HSP90AA1: variants seen among roughly 807,000 people sequenced by gnomAD.
HSP90AA1 encodes the protein heat shock protein 90 alpha family class A member 1, also known as heat shock protein HSP 90-alpha.
Under a neutral mutation model 73.3 loss-of-function variants are expected in HSP90AA1, and 18 were observed. That is an observed-to-expected ratio of 0.25 (90% CI 0.17 to 0.36). HSP90AA1 has a LOEUF of 0.36. HSP90AA1 is among the 10% of genes least tolerant of loss of function. The pLI is 1.00. For missense variants in HSP90AA1, 704 were observed against 874.2 expected (o/e 0.81, Z 2.45); for synonymous variants, 477 against 296.9 (o/e 1.61, Z -6.24).
chr14:102,139,211 T>C (rs1229843020), intron 1 of HSP90AA1: 3 of 1,612,768 alleles, frequency 1.9e-6, no homozygotes, highest in Non-Finnish European at 2.5e-6. Context: ...CCGCCTGAAA[T>C]AAAACATAGT....
chr14:102,134,362 G>A (rs956102620), intron 1 of HSP90AA1, among the ~76,000 whole-genome samples: 11 of 148,390 alleles, frequency 7.4e-5, no homozygotes, highest in East Asian at 6.0e-4. Context: ...CAGTAGAAAC[G>A]TTAGACTGGA....
intron 1 of HSP90AA1, among the ~76,000 whole-genome samples, chr14:102,134,412 G>A (rs550541729): frequency 6.6e-6 from 1 of 151,980 alleles, no homozygotes; most frequent in Admixed American, 6.6e-5. Context: ...AGGCTGAGAA[G>A]TGCTGGTGTA....
chr14:102,116,120 T>G (rs2049703491), intron 1 of HSP90AA1, among the ~76,000 whole-genome samples: 1 of 151,870 alleles, frequency 6.6e-6, no homozygotes, highest in Non-Finnish European at 1.5e-5. Flanking sequence ...CCCAACTAAT[T>G]TTTTTTGTAT....
rs761906643 is a variant in HSP90AA1, at chr14:102,086,364, G to A, written c.15C>T (p.Thr5=). 11 of 1,614,046 alleles carry A rather than the reference G, an allele frequency of 6.8e-6. No homozygotes were observed. The African/African-American group carries it at 1.1e-4, about 16-fold the overall frequency. Residue 5 remains threonine, a synonymous_variant, in exon 2 of 11, where the codon ACC becomes ACT. Coordinates refer to ENST00000216281, the MANE Select transcript of HSP90AA1 (RefSeq NM_005348.4). The stretch of plus-strand genomic sequence containing the variant: ...CCTCCATCGGTTGGTCTTGGGTCTG[G>A]GTTTCCTCAGGCATCTGGAACGACA... MPEE[T]QTQDQPMEEE...
At position 102,085,629 on chromosome 14, in the gene HSP90AA1, G is replaced by C. The variant is rs567370543; in HGVS notation, c.529+129C>G. On this transcript the variant is annotated intron_variant, in intron 3 of 10. Coordinates refer to ENST00000216281, the MANE Select transcript of HSP90AA1 (RefSeq NM_005348.4). ...AGTCATGCCATTACACTAATTAAGT[G>C]CTCTAGCTTGTTCCTGATCGTTGGG... 4 of 1,413,452 alleles carry C rather than the reference G, an allele frequency of 2.8e-6. No individual in the cohort carries two copies. The South Asian group carries it at 3.5e-5, about 12-fold the overall frequency. The allele number at this position is 1,413,452 out of a possible 1,614,324, so 87.6% of individuals were successfully genotyped here.
Position 102,081,526 on chromosome 14 carries a change from C to T in HSP90AA1, c.*186G>A, listed in dbSNP as rs538361947. ...CATGAAACTCAAAAAGCATTACTAG[C>T]TCTGCTTTAGTGCCTAAGGTATCAC... On this transcript the variant is annotated 3_prime_UTR_variant, in exon 11 of 11. Coordinates refer to ENST00000216281, the MANE Select transcript of HSP90AA1 (RefSeq NM_005348.4). 214 of 611,516 alleles carry T rather than the reference C, an allele frequency of 3.5e-4. 3 individuals are homozygous for T. The South Asian group carries it at 4.1e-3, about 12-fold the overall frequency. 37.9% of individuals were successfully genotyped at this position (611,516 alleles called of 1,614,324 possible).
chr14:102,096,090 ACCAAGGCACCTCCAGC>A (rs375167683), intron 2 of HSP90AA1, among the ~76,000 whole-genome samples: 208 of 152,064 alleles, frequency 1.4e-3, no homozygotes, highest in African/African-American at 4.8e-3. Context: ...CCCACATGTC[ACCAAGGCACCTCCAGC>A]CCTGCCCACA....
At chr14:102,108,617 C>A (rs1343453965) in intron 1 of HSP90AA1, among the ~76,000 whole-genome samples, 1 of 149,702 alleles carries the variant, frequency 6.7e-6, no homozygotes, top group Non-Finnish European at 1.5e-5. Context: ...CTTACTGCAG[C>A]CTCAACCTCC....
In HSP90AA1 at chr14:102,133,483, T is replaced by C. The variant is rs189380917; in HGVS notation, c.155+5767A>G. On this transcript the variant is annotated intron_variant, in intron 1 of 11. Transcript: ENST00000334701. ...TTGGTGAGAATGGGATTTAAACTAG[T>C]TCTTTTTTTTTTTTTTTGAGATGGA... Among the ~76,000 whole-genome samples the C allele has an allele frequency of 1.7e-3, 107 of 62,478 alleles. No homozygotes were observed. In the East Asian group the frequency reaches 0.069, roughly 40 times the overall value. The allele number at this position is 62,478 out of a possible 152,430, so 41.0% of individuals were successfully genotyped here. A position where few individuals can be genotyped will look rare whatever the true frequency, so the allele number is the denominator to read the frequency against.
intron 1 of HSP90AA1, among the ~76,000 whole-genome samples, chr14:102,102,699 C>G (rs1566728419): frequency 6.6e-6 from 1 of 152,172 alleles, no homozygotes; most frequent in Non-Finnish European, 1.5e-5. Context: ...TATGATTATT[C>G]TAGAGACTAA....
intron 1 of HSP90AA1, among the ~76,000 whole-genome samples, chr14:102,135,746 T>C (rs546976229): frequency 3.2e-4 from 49 of 152,220 alleles, no homozygotes; most frequent in Non-Finnish European, 6.5e-4. Flanking sequence ...CCGCAGCCAC[T>C]GGCCCGGGTG....
chr14:102,124,129 T>C (rs773846444), intron 1 of HSP90AA1, among the ~76,000 whole-genome samples: 70 of 152,142 alleles, frequency 4.6e-4, no homozygotes, highest in Non-Finnish European at 8.8e-4. Flanking sequence ...TCTTCCATTA[T>C]ACTTAAATTA....
At chr14:102,122,600 T>C (rs192426459) in intron 1 of HSP90AA1, among the ~76,000 whole-genome samples, 2 of 151,006 alleles carry the variant, frequency 1.3e-5, no homozygotes, top group African/African-American at 4.9e-5. Flanking sequence ...TTATAATACA[T>C]ATTAATATTT....
rs2049114395 is a variant in HSP90AA1, at chr14:102,082,163, T to C, written c.2037A>G (p.Glu679=). 1.2e-6 allele frequency: 2 copies of C among 1,613,718 alleles called. No individual in the cohort carries two copies. The highest frequency in any genetic ancestry group is 1.7e-5 in the Admixed American group (1 of 60,000). Residue 679 remains glutamate (E), a synonymous_variant, in exon 10 of 11, where the codon GAA becomes GAG. Transcript: ENST00000216281. ...TCCTGTTAGCATGTGTCTGGGGATCTTCCAGACTGAAGCCAGAAGACAGGA... is the reference window on the plus strand; with the variant it reads ...TCCTGTTAGCATGTGTCTGGGGATCCTCCAGACTGAAGCCAGAAGACAGGA... ...TALLSSGFSL[E]DPQTHANRIY...
intron 2 of HSP90AA1, among the ~76,000 whole-genome samples, chr14:102,099,544 C>T (rs1047522645): frequency 2.6e-5 from 4 of 151,654 alleles, no homozygotes; most frequent in Non-Finnish European, 2.9e-5. Flanking sequence ...GCAACAAGAG[C>T]GGAACTCCGT....
At chr14:102,136,796 G>A (rs1002022437) in intron 1 of HSP90AA1, among the ~76,000 whole-genome samples, 1 of 151,040 alleles carries the variant, frequency 6.6e-6, no homozygotes, top group African/African-American at 2.4e-5. Flanking sequence ...GCAGAGGCAG[G>A]AGAATCGTTT....
chr14:102,085,624 T>A, intron 3 of HSP90AA1, 134 bp downstream of exon 3: 1 of 1,391,330 alleles, frequency 7.2e-7, no homozygotes, highest in South Asian at 1.2e-5. Context: ...TTACACTAAT[T>A]AAGTGCTCTA....
chr14:102,093,066 A>G (rs896296448), intron 2 of HSP90AA1, among the ~76,000 whole-genome samples: 3 of 152,058 alleles, frequency 2.0e-5, no homozygotes, highest in Non-Finnish European at 2.9e-5. Context: ...TTAAATAATC[A>G]ATGTTTAGCA....
intron 1 of HSP90AA1, among the ~76,000 whole-genome samples, chr14:102,135,688 C>G (rs1333110828): frequency 6.6e-6 from 1 of 152,256 alleles, no homozygotes; most frequent in Admixed American, 6.5e-5. Context: ...GGCGAGAAAT[C>G]GAGCACAGCG....
Sources: allele counts gnomAD v4.1 joint callset (sites outside exome capture counted in the v4.1 genomes callset), GRCh38; gene constraint gnomAD v4.1.1; transcripts MANE v1.5; gene names NCBI Gene and HGNC (gene_info 2026-07-23, HGNC 2026-07-21).